Variants in MTUS2 observed in about 807,000 individuals in gnomAD.
MTUS2 encodes the protein microtubule-associated tumor suppressor candidate 2.
MTUS2 carries 40 observed loss-of-function variants against 114.1 expected under a neutral mutation model. That is an observed-to-expected ratio of 0.35 (90% CI 0.27 to 0.46). MTUS2 has a LOEUF of 0.46. Among genes scored for constraint, MTUS2 ranks in the 20% least tolerant of loss-of-function variants. The pLI, the probability that MTUS2 is intolerant of heterozygous loss-of-function variation, is 1.00. For synonymous variants in MTUS2, 688 were observed against 672.0 expected, an observed-to-expected ratio of 1.02 and a Z score of -0.37; for missense variants, 1,679 against 1,705.4, an observed-to-expected ratio of 0.98 and a Z score of 0.27.
chr13:29,077,161 T>G (rs1889228815), intron 4 of MTUS2, among the ~76,000 whole-genome samples: 1 of 152,224 alleles, frequency 6.6e-6, no homozygotes, highest in South Asian at 2.1e-4. Context: ...AATTGTGTCT[T>G]TCTTTTCTCC....
Position 29,323,398 on chromosome 13 carries a change from C to T in MTUS2, c.2807-1215C>T, listed in dbSNP as rs532778941. 2.0e-5 allele frequency among the ~76,000 whole-genome samples: 3 copies of T among 151,822 alleles called. No homozygotes were observed. In the South Asian group the frequency reaches 6.2e-4, roughly 32 times the overall value. On this transcript the variant is annotated intron_variant, in intron 6 of 15. Transcript: ENST00000612955. ...CCGTGTAGCTGGGACTACAGGTGCC[C>T]ACCACCATGCCTGGCTAATTTTTTG...
At chr13:29,033,782 G>T in intron 3 of MTUS2, 103 bp from the exon 4 acceptor site, 1 of 1,400,534 alleles carries the variant, frequency 7.1e-7, no homozygotes, top group East Asian at 2.4e-5. Context: ...GCAGCTAAGT[G>T]GTACCAGAGT....
chr13:29,383,085 C>T (rs1872336966), intron 8 of MTUS2, among the ~76,000 whole-genome samples: 1 of 152,082 alleles, frequency 6.6e-6, no homozygotes, highest in Admixed American at 6.6e-5. Context: ...AGCCACTTAA[C>T]ACAGACATGT....
At chr13:29,304,696 T>G (rs1899359933) in intron 6 of MTUS2, among the ~76,000 whole-genome samples, 1 of 152,080 alleles carries the variant, frequency 6.6e-6, no homozygotes, top group Non-Finnish European at 1.5e-5. Flanking sequence ...GTGGTAGACT[T>G]TAACACCCCA....
chr13:29,140,111 C>T (rs1270514809), intron 5 of MTUS2, among the ~76,000 whole-genome samples: 2 of 152,178 alleles, frequency 1.3e-5, no homozygotes, highest in Non-Finnish European at 2.9e-5. Flanking sequence ...TTTAACTTTT[C>T]TTCATCAACA....
At chr13:29,198,294 C>T (rs1894787545) in intron 5 of MTUS2, among the ~76,000 whole-genome samples, 1 of 152,146 alleles carries the variant, frequency 6.6e-6, no homozygotes, top group Non-Finnish European at 1.5e-5. Flanking sequence ...ATATGGCTAC[C>T]CAGTTTTCCC....
chr13:28,982,821 TA>T (rs1409942399), intron 2 of MTUS2, among the ~76,000 whole-genome samples: 1 of 152,132 alleles, frequency 6.6e-6, no homozygotes, highest in African/African-American at 2.4e-5. Flanking sequence ...ATGAGGCACC[TA>T]GGGTGGTGAA....
intron 9 of MTUS2, among the ~76,000 whole-genome samples, chr13:29,457,269 T>G (rs1340801736): frequency 1.3e-5 from 2 of 152,198 alleles, no homozygotes; most frequent in Non-Finnish European, 2.9e-5. Flanking sequence ...ATAGGATATT[T>G]ACATTGCACC....
chr13:29,006,210 G>A (rs1885593127), intron 2 of MTUS2, among the ~76,000 whole-genome samples: 1 of 152,130 alleles, frequency 6.6e-6, no homozygotes, highest in South Asian at 2.1e-4. Flanking sequence ...ATCTTCCCAG[G>A]TGCTGCAAAA....
chr13:29,139,259 A>G (rs1025703738), intron 5 of MTUS2, among the ~76,000 whole-genome samples: 3 of 152,180 alleles, frequency 2.0e-5, no homozygotes, highest in East Asian at 1.9e-4. Context: ...TGATGATTAC[A>G]TATTTGTATT....
intron 8 of MTUS2, among the ~76,000 whole-genome samples, chr13:29,434,542 G>A (rs938621452): frequency 6.6e-6 from 1 of 152,202 alleles, no homozygotes; most frequent in African/African-American, 2.4e-5. Context: ...ATTTCTGGAT[G>A]AACTGGGGTG....
At chr13:29,377,368 A>T (rs1368626337) in intron 8 of MTUS2, among the ~76,000 whole-genome samples, 2 of 152,194 alleles carry the variant, frequency 1.3e-5, no homozygotes, top group Non-Finnish European at 2.9e-5. Context: ...TAACAAATTT[A>T]AAACAATGAA....
intron 4 of MTUS2, among the ~76,000 whole-genome samples, chr13:29,098,723 G>A (rs1056884215): frequency 6.6e-6 from 1 of 152,258 alleles, no homozygotes; most frequent in East Asian, 1.9e-4. Flanking sequence ...TCAGTGGCTT[G>A]TCTTATATAA....
chr13:29,440,057 G>C lies in MTUS2; in HGVS notation c.3184+8G>C, dbSNP rs1038506475. ...ACATCAGGGATGAAGTTGGTAAGTAGGGCATTGACAATGAGGAGCATAAAG... is the reference window on the plus strand; with the variant it reads ...ACATCAGGGATGAAGTTGGTAAGTACGGCATTGACAATGAGGAGCATAAAG... On this transcript the variant is annotated splice_region_variant and intron_variant, in intron 9 of 15. Transcript: ENST00000612955. The C allele has an allele frequency of 1.9e-6, 3 of 1,576,056 alleles. No homozygotes were observed. The highest frequency in any genetic ancestry group is 2.3e-5 in the South Asian group (2 of 85,770).
intron 2 of MTUS2, 97 bp from the exon 3 acceptor site, chr13:29,024,360 A>G: frequency 3.8e-6 from 1 of 263,128 alleles, no homozygotes; most frequent in East Asian, 6.0e-5. Flanking sequence ...ATGAAATAAT[A>G]ATATAGAAAT....
At chr13:28,889,184 C>T (rs571298022) in intron 2 of MTUS2, among the ~76,000 whole-genome samples, 1 of 152,202 alleles carries the variant, frequency 6.6e-6, no homozygotes, top group East Asian at 1.9e-4. Context: ...TAGCTCTTCA[C>T]CTGCTCCTGG....
At chr13:29,171,139 AGAGT>A (rs952209937) in intron 5 of MTUS2, among the ~76,000 whole-genome samples, 4 of 120,618 alleles carry the variant, frequency 3.3e-5, no homozygotes, top group South Asian at 2.7e-4. Context: ...TGAGAGAGAG[AGAGT>A]GTGTGTGTGT....
chr13:29,472,433 G>C (rs1342738260), intron 9 of MTUS2, among the ~76,000 whole-genome samples: 1 of 152,264 alleles, frequency 6.6e-6, no homozygotes, highest in East Asian at 1.9e-4. Context: ...TAGTGTGTCC[G>C]GGATCCCAGG....
chr13:29,024,267 A>G (rs1346415856), intron 2 of MTUS2, among the ~76,000 whole-genome samples, 190 bp from the exon 3 acceptor site: 1 of 152,246 alleles, frequency 6.6e-6, no homozygotes, highest in Non-Finnish European at 1.5e-5. Context: ...CATTTCTAAC[A>G]TTAAACATTT....
Sources: allele counts gnomAD v4.1 joint callset (sites outside exome capture counted in the v4.1 genomes callset), GRCh38; gene constraint gnomAD v4.1.1; transcripts MANE v1.5; gene names NCBI Gene and HGNC (gene_info 2026-07-23, HGNC 2026-07-21).